PTPRO: variants seen among roughly 807,000 people sequenced by gnomAD.
PTPRO encodes the protein protein tyrosine phosphatase receptor type O.
A neutral mutation model predicts 145.2 loss-of-function variants in PTPRO; 62 were observed. The ratio of observed to expected loss-of-function variants is 0.43; its 90% CI spans 0.35 to 0.53. PTPRO has a LOEUF of 0.53. Among genes scored for constraint, PTPRO ranks in the 20% least tolerant of loss-of-function variants. The pLI is 0.01. For synonymous variants in PTPRO, 565 were observed against 514.7 expected (o/e 1.10, Z -1.32); for missense variants, 1,345 against 1,482.7 (o/e 0.91, Z 1.53).
chr12:15,369,555 T>G (rs955746089), intron 1 of PTPRO, among the ~76,000 whole-genome samples: 4 of 152,222 alleles, frequency 2.6e-5, no homozygotes, highest in African/African-American at 9.6e-5. Flanking sequence ...TTGGAATTAC[T>G]AGATTCTCAA....
chr12:15,590,921 C>T (rs541944082), intron 25 of PTPRO, among the ~76,000 whole-genome samples: 149 of 152,278 alleles, frequency 9.8e-4, no homozygotes, highest in Middle Eastern at 6.8e-3. Context: ...ATATTTTTGG[C>T]TTTTACTTCC....
chr12:15,530,055 A>G lies in PTPRO; in HGVS notation c.2164+3793A>G, dbSNP rs551332905. ...TATTCCATGCAACTGGAAAACAAACAAGCAAAAAAGCAGATGTAGCTATGC... is the reference window on the plus strand; with the variant it reads ...TATTCCATGCAACTGGAAAACAAACGAGCAAAAAAGCAGATGTAGCTATGC... On this transcript the variant is annotated intron_variant, in intron 12 of 26. Transcript: ENST00000281171. Among the ~76,000 whole-genome samples the G allele has an allele frequency of 1.8e-4, 27 of 152,330 alleles. 1 individual carries two copies. The highest frequency in any genetic ancestry group is 1.7e-3 in the Admixed American group (26 of 15,308).
At chr12:15,580,895 G>A (rs1320577882) in intron 22 of PTPRO, 64 bp downstream of exon 22, 1 of 1,586,750 alleles carries the variant, frequency 6.3e-7, no homozygotes, top group African/African-American at 1.3e-5. Context: ...TGCCGTTGAT[G>A]AAATGCTTGC....
At position 15,491,475 on chromosome 12, in the gene PTPRO, C is replaced by G. The variant is rs1005621969; in HGVS notation, c.350-5770C>G. ...TCACATCCAGAACTTTCAAAACTTT[C>G]CTATTCATGATCTCTCTTGAATGAT... On this transcript the variant is annotated intron_variant, in intron 2 of 26. Transcript: ENST00000281171. Among the ~76,000 whole-genome samples the G allele has an allele frequency of 1.5e-4, 23 of 152,108 alleles. 1 individual carries two copies. The highest frequency in any genetic ancestry group is 5.6e-4 in the African/African-American group (23 of 41,398).
chr12:15,411,908 C>G (rs1939811573), intron 1 of PTPRO, among the ~76,000 whole-genome samples: 1 of 152,188 alleles, frequency 6.6e-6, no homozygotes, highest in African/African-American at 2.4e-5. Context: ...ATGCATCAGA[C>G]AGTCTGAAAA....
At chr12:15,536,856 T>C (rs1435197806) in intron 12 of PTPRO, among the ~76,000 whole-genome samples, 1 of 152,208 alleles carries the variant, frequency 6.6e-6, no homozygotes, top group Non-Finnish European at 1.5e-5. Flanking sequence ...CATGGTCACC[T>C]TAAAGTTTAG....
At chr12:15,448,339 T>TAGAAAAAAAAAAAAAAAAAAAAA (rs1940956610) in intron 1 of PTPRO, among the ~76,000 whole-genome samples, 1 of 45,020 alleles carries the variant, frequency 2.2e-5, no homozygotes, top group Non-Finnish European at 4.3e-5. Flanking sequence ...CTGTTCCTAG[T>TAGAAAAAAAAAAAAAAAAAAAAA]AAAAAAAAAA....
At chr12:15,453,803 T>C (rs1941107035) in intron 1 of PTPRO, among the ~76,000 whole-genome samples, 1 of 152,184 alleles carries the variant, frequency 6.6e-6, no homozygotes, top group Non-Finnish European at 1.5e-5. Context: ...CTGTTTTAGA[T>C]ACCTCAGATA....
At chr12:15,507,963 G>A (rs538750469) in intron 6 of PTPRO, among the ~76,000 whole-genome samples, 19 of 152,206 alleles carry the variant, frequency 1.2e-4, no homozygotes, top group Non-Finnish European at 2.2e-4. Context: ...GAACATAAGA[G>A]AACAAAGCTA....
chr12:15,354,846 AG>A (rs1937932735), intron 1 of PTPRO, among the ~76,000 whole-genome samples: 1 of 152,202 alleles, frequency 6.6e-6, no homozygotes, highest in Admixed American at 6.5e-5. Flanking sequence ...TTGATTCCAA[AG>A]CTCATTCTAA....
At chr12:15,414,976 T>C (rs1301964874) in intron 1 of PTPRO, among the ~76,000 whole-genome samples, 1 of 152,212 alleles carries the variant, frequency 6.6e-6, no homozygotes, top group Non-Finnish European at 1.5e-5. Context: ...ATACCGTCTA[T>C]GAACCTCTTC....
intron 6 of PTPRO, among the ~76,000 whole-genome samples, chr12:15,505,472 A>G (rs139845516): frequency 1.1e-4 from 16 of 152,330 alleles, no homozygotes; most frequent in African/African-American, 3.8e-4. Flanking sequence ...GCCATTGAGA[A>G]TATGTCGGAA....
rs746341163 is a variant in PTPRO at position 15,560,214 on chromosome 12, C to T, written c.2649C>T (p.Phe883=). Residue 883 remains phenylalanine, a synonymous_variant, in exon 17 of 27, where the codon TTC becomes TTT. Coordinates refer to ENST00000281171, the MANE Select transcript of PTPRO (RefSeq NM_030667.3). ...PYNWRRSIFA[F]LTLLPSCLWT... ...ACAGGCGTAGGAGTATATTTGCTTT[C>T]TTAACCCTGCTACCCTCATGTCTTT... is the stretch of plus-strand genomic sequence containing the variant. The T allele has an allele frequency of 6.3e-7, 1 of 1,593,830 alleles. No individual in the cohort carries two copies. The highest frequency in any genetic ancestry group is 8.6e-7 in the Non-Finnish European group (1 of 1,161,888).
In PTPRO at chr12:15,508,505, C is replaced by A. The variant is rs896570307; in HGVS notation, c.1268-66C>A. On this transcript the variant is annotated intron_variant, in intron 6 of 26. Coordinates refer to ENST00000281171, the MANE Select transcript of PTPRO (RefSeq NM_030667.3). ...CAAAAAGAAAACATGATTTTTTAAA[C>A]CAGAATCTTTTATCTCAATCAGTGT... The A allele has an allele frequency of 1.5e-5, 23 of 1,484,536 alleles. No homozygotes were observed. The Admixed American group carries it at 4.2e-4, about 27-fold the overall frequency. 92.0% of individuals were successfully genotyped at this position (1,484,536 alleles called of 1,614,324 possible). A position where few individuals can be genotyped will look rare whatever the true frequency, so the allele number is the denominator to read the frequency against.
intron 12 of PTPRO, among the ~76,000 whole-genome samples, chr12:15,527,875 A>ACCCCCCCCACCCCCCC (rs1555173370): frequency 7.3e-6 from 1 of 137,648 alleles, no homozygotes. Context: ...GGGAACTGTG[A>ACCCCCCCCACCCCCCC]CCCGCCCACG....
rs1162134625 is a variant in PTPRO at position 15,560,277 on chromosome 12, G to C, written c.2711+1G>C. 6.4e-7 allele frequency: 1 copy of C among 1,561,166 alleles called. No individual in the cohort carries two copies. On this transcript the variant is annotated splice_donor_variant, in intron 17 of 26. Coordinates refer to ENST00000281171, the MANE Select transcript of PTPRO (RefSeq NM_030667.3). LOFTEE classifies it high-confidence loss of function. ...TTTTGGCATTTTATATTAATCCTTG[G>C]TAAGTGATTTTTTTTTACTGTTTAA... is the stretch of plus-strand genomic sequence containing the variant.
intron 1 of PTPRO, among the ~76,000 whole-genome samples, chr12:15,432,325 A>G (rs1048286253): frequency 2.0e-5 from 3 of 152,236 alleles, no homozygotes; most frequent in African/African-American, 7.2e-5. Context: ...CCTGCAAAGG[A>G]CATGATTGCA....
intron 1 of PTPRO, among the ~76,000 whole-genome samples, chr12:15,469,919 A>G (rs1178086899): frequency 6.6e-6 from 1 of 152,108 alleles, no homozygotes; most frequent in African/African-American, 2.4e-5. Flanking sequence ...ATTTGCATGT[A>G]TGGTTTCATT....
chr12:15,508,215 C>T (rs1245506044), intron 6 of PTPRO, among the ~76,000 whole-genome samples: 3 of 152,172 alleles, frequency 2.0e-5, no homozygotes, highest in African/African-American at 7.2e-5. Context: ...ATCCTAGTAG[C>T]AAAGGAATAA....
Sources: allele counts gnomAD v4.1 joint callset (sites outside exome capture counted in the v4.1 genomes callset), GRCh38; gene constraint gnomAD v4.1.1; transcripts MANE v1.5; gene names NCBI Gene and HGNC (gene_info 2026-07-23, HGNC 2026-07-21).